GNG7: variants seen among roughly 807,000 people sequenced by gnomAD.
GNG7 encodes the protein guanine nucleotide-binding protein G(I)/G(S)/G(O) subunit gamma-7.
Under a neutral mutation model 4.0 loss-of-function variants are expected in GNG7, and 1 was observed. That is an observed-to-expected ratio of 0.25 (90% CI 0.09 to 1.18). The LOEUF is 1.18. Among genes scored for constraint, GNG7 ranks in the 50% most tolerant of loss-of-function variants. GNG7 has a pLI of 0.50. For synonymous variants in GNG7, 34 were observed against 36.9 expected (o/e 0.92, Z 0.29); for missense variants, 86 against 91.9 (o/e 0.94, Z 0.26).
chr19:2,687,772 G>A (rs984705922), intron 1 of GNG7, among the ~76,000 whole-genome samples: 1 of 151,202 alleles, frequency 6.6e-6, no homozygotes, highest in African/African-American at 2.4e-5. Flanking sequence ...TCAGGAGTTC[G>A]AGACCAGCCT....
At chr19:2,601,458 T>A (rs1251245808) in intron 2 of GNG7, among the ~76,000 whole-genome samples, 1 of 152,166 alleles carries the variant, frequency 6.6e-6, no homozygotes. Context: ...AATATACGTG[T>A]CTGTCTCCCC....
intron 2 of GNG7, among the ~76,000 whole-genome samples, chr19:2,637,193 A>G (rs75696794): frequency 0.026 from 3,680 of 140,506 alleles, 153 homozygotes; most frequent in African/African-American, 0.093. Context: ...ATCGAGCTTC[A>G]GAGGCCCCAG....
rs150779398 is a variant in GNG7, at chr19:2,675,448, C to T, written c.-135+27198G>A. 1.3e-4 allele frequency among the ~76,000 whole-genome samples: 20 copies of T among 152,222 alleles called. 1 individual carries two copies. The East Asian group carries it at 2.7e-3, about 21-fold the overall frequency. Reference sequence around the variant, plus strand: ...GAAGACCAGGAAATGCCAGCAGTGCCGAGCAGGAGAGGTCGCTTGACGGTA... The same window carrying T: ...GAAGACCAGGAAATGCCAGCAGTGCTGAGCAGGAGAGGTCGCTTGACGGTA... On this transcript the variant is annotated intron_variant, in intron 1 of 4. Coordinates refer to ENST00000382159, the MANE Select transcript of GNG7 (RefSeq NM_052847.3).
In GNG7 at chr19:2,514,658, G is replaced by A. The variant is rs751118893; in HGVS notation, c.*364C>T. On this transcript the variant is annotated 3_prime_UTR_variant, in exon 5 of 5. Coordinates refer to ENST00000382159, the MANE Select transcript of GNG7 (RefSeq NM_052847.3). Reference sequence around the variant, plus strand: ...TCACCTCCCTTTCCCCCTCGGCGCCGGTCCACAATTGAAACGGCAATCGAG... The same window carrying A: ...TCACCTCCCTTTCCCCCTCGGCGCCAGTCCACAATTGAAACGGCAATCGAG... 16 of 171,040 alleles carry A rather than the reference G, an allele frequency of 9.4e-5. No homozygotes were observed. Among genetic ancestry groups the A allele is most frequent in the Non-Finnish European group, 1.9e-4 (15 of 79,412 alleles). The allele number at this position is 171,040 out of a possible 1,614,324, so 10.6% of individuals were successfully genotyped here.
intron 1 of GNG7, among the ~76,000 whole-genome samples, chr19:2,663,352 C>A (rs545440404): frequency 5.9e-5 from 9 of 151,744 alleles, no homozygotes; most frequent in East Asian, 1.9e-4. Context: ...CTCTCCCCCC[C>A]CTCCTCTTTC....
At chr19:2,535,781 T>A (rs2144741319) in intron 3 of GNG7, among the ~76,000 whole-genome samples, 1 of 152,306 alleles carries the variant, frequency 6.6e-6, no homozygotes, top group South Asian at 2.1e-4. Context: ...TATGGGCTGT[T>A]TGTTGCAGAC....
At position 2,514,647 on chromosome 19, in the gene GNG7, C is replaced by T. The variant is rs988106121; in HGVS notation, c.*375G>A. The T allele has an allele frequency of 5.9e-6, 1 of 168,372 alleles. No individual in the cohort carries two copies. Among genetic ancestry groups the T allele is most frequent in the Non-Finnish European group, 1.3e-5 (1 of 77,706 alleles). The allele number at this position is 168,372 out of a possible 1,614,324, so 10.4% of individuals were successfully genotyped here. ...ACCGGGCGAAGTCACCTCCCTTTCC[C>T]CCTCGGCGCCGGTCCACAATTGAAA... On this transcript the variant is annotated 3_prime_UTR_variant, in exon 5 of 5. Coordinates refer to ENST00000382159, the MANE Select transcript of GNG7 (RefSeq NM_052847.3).
chr19:2,580,314 TGA>T (rs1169468011), intron 2 of GNG7, among the ~76,000 whole-genome samples: 1 of 149,440 alleles, frequency 6.7e-6, no homozygotes, highest in African/African-American at 2.4e-5. Flanking sequence ...TTTTTGAGGC[TGA>T]GTCTCACTCT....
intron 2 of GNG7, among the ~76,000 whole-genome samples, chr19:2,616,716 G>T (rs1981733445): frequency 6.6e-6 from 1 of 151,848 alleles, no homozygotes; most frequent in African/African-American, 2.4e-5. Flanking sequence ...GAGGTTGCAG[G>T]TTGCAGTGAG....
At chr19:2,661,245 A>AAAGAAAAG (rs1568277593) in intron 1 of GNG7, among the ~76,000 whole-genome samples, 2 of 93,818 alleles carry the variant, frequency 2.1e-5, no homozygotes, top group Non-Finnish European at 2.2e-5. Context: ...AGAAAGAAAG[A>AAAGAAAAG]AAAGAAAGAA....
intron 2 of GNG7, among the ~76,000 whole-genome samples, chr19:2,596,674 CA>C (rs1034018050): frequency 1.4e-4 from 21 of 148,668 alleles, no homozygotes; most frequent in Non-Finnish European, 1.9e-4. Context: ...GTCCCCCCCC[CA>C]AAAAAAAAAG....
intron 1 of GNG7, among the ~76,000 whole-genome samples, chr19:2,648,977 C>T (rs911178747): frequency 6.6e-6 from 1 of 152,006 alleles, no homozygotes; most frequent in African/African-American, 2.4e-5. Context: ...CAGCCTCCAC[C>T]TCCTGGGCTC....
chr19:2,615,225 G>C (rs982060694), intron 2 of GNG7, among the ~76,000 whole-genome samples: 6 of 149,288 alleles, frequency 4.0e-5, no homozygotes, highest in Non-Finnish European at 5.9e-5. Flanking sequence ...GCAGTGGCGC[G>C]ATCTCGGCTC....
Position 2,672,928 on chromosome 19 carries a change from G to A in GNG7, c.-134-26648C>T, listed in dbSNP as rs1983492581. Among the ~76,000 whole-genome samples the A allele has an allele frequency of 4.6e-5, 7 of 151,984 alleles. No individual in the cohort carries two copies. The South Asian group carries it at 1.5e-3, about 32-fold the overall frequency. ...AACATCATGGAAACTCACGTTGGGG[G>A]ACATTTTACAAAACTCCTGACGAGT... On this transcript the variant is annotated intron_variant, in intron 1 of 4. Coordinates refer to ENST00000382159, the MANE Select transcript of GNG7 (RefSeq NM_052847.3).
intron 2 of GNG7, among the ~76,000 whole-genome samples, chr19:2,567,190 C>A (rs1568246224): frequency 6.6e-6 from 1 of 151,956 alleles, no homozygotes; most frequent in Admixed American, 6.6e-5. Context: ...CACTGTCCAT[C>A]ATGGGCCCTT....
chr19:2,630,288 C>T (rs1028538406), intron 2 of GNG7, among the ~76,000 whole-genome samples: 1 of 152,116 alleles, frequency 6.6e-6, no homozygotes, highest in East Asian at 1.9e-4. Context: ...TCTTGTAGAA[C>T]CCCCTCCCCT....
At chr19:2,578,347 A>G (rs1180316399) in intron 2 of GNG7, among the ~76,000 whole-genome samples, 1 of 151,808 alleles carries the variant, frequency 6.6e-6, no homozygotes, top group Non-Finnish European at 1.5e-5. Context: ...CCAACTCCTG[A>G]CTCGCCCTGT....
chr19:2,575,624 T>C (rs1458421014), intron 2 of GNG7, among the ~76,000 whole-genome samples: 653 of 31,392 alleles, frequency 0.021, 5 homozygotes, highest in Middle Eastern at 0.042. Flanking sequence ...CACACAGACA[T>C]GCAGGCACAC....
At chr19:2,600,211 T>C (rs1478076559) in intron 2 of GNG7, among the ~76,000 whole-genome samples, 1 of 151,602 alleles carries the variant, frequency 6.6e-6, no homozygotes, top group Non-Finnish European at 1.5e-5. Context: ...TTTTAAACCA[T>C]ATATTTTATA....
Sources: allele counts gnomAD v4.1 joint callset (sites outside exome capture counted in the v4.1 genomes callset), GRCh38; gene constraint gnomAD v4.1.1; transcripts MANE v1.5; gene names NCBI Gene and HGNC (gene_info 2026-07-23, HGNC 2026-07-21).